NEBL: variants seen among roughly 807,000 people sequenced by gnomAD.
The protein encoded by NEBL is LIM and SH3 protein 2.
A neutral mutation model predicts 140.2 loss-of-function variants in NEBL; 122 were observed. The ratio of observed to expected loss-of-function variants is 0.87; its 90% confidence interval spans 0.75 to 1.01. The LOEUF is 1.01. Ranked by LOEUF, NEBL falls within the 50% of genes least tolerant of loss-of-function variation. The pLI is 0.00. For synonymous variants in NEBL, 436 were observed against 398.9 expected, an observed-to-expected ratio of 1.09 and a Z score of -1.11; for missense variants, 1,365 against 1,231.3, an observed-to-expected ratio of 1.11 and a Z score of -1.62.
rs530488434 is a variant in NEBL at position 20,801,162 on chromosome 10, T to C, written c.2761+7348A>G. On this transcript the variant is annotated intron_variant, in intron 26 of 27. Coordinates refer to ENST00000377122, the MANE Select transcript of NEBL (RefSeq NM_006393.3). ...GCCTAGTACATTCCTTTCCCATTTC[T>C]CTACTTGGCTATCTCTCTCTCTCTC... Among the ~76,000 whole-genome samples the C allele has an allele frequency of 2.0e-5, 3 of 152,150 alleles. No individual in the cohort carries two copies. The South Asian group carries it at 6.2e-4, about 32-fold the overall frequency.
chr10:21,095,498 C>T (rs1004603327), intron 2 of NEBL, among the ~76,000 whole-genome samples: 2 of 152,140 alleles, frequency 1.3e-5, no homozygotes, highest in African/African-American at 2.4e-5. Flanking sequence ...CATAACTGTA[C>T]CTTTTAAAAC....
rs1009147685 is a variant in NEBL, at chr10:20,839,145, C to A, written c.1338+1594G>T. On this transcript the variant is annotated intron_variant, in intron 13 of 27. Transcript: ENST00000377122. ...CTTCTTCCAGTTTTTCAATCTTATT[C>A]TCCTAGGCCGGTTCTTCCTTCTCCT... Among the ~76,000 whole-genome samples, 5 of 152,264 alleles carry A rather than the reference C, an allele frequency of 3.3e-5. No individual in the cohort carries two copies. The East Asian group carries it at 9.7e-4, about 29-fold the overall frequency.
chr10:20,786,775 C>G (rs550927229), intron 27 of NEBL, among the ~76,000 whole-genome samples: 1 of 152,272 alleles, frequency 6.6e-6, no homozygotes, highest in East Asian at 1.9e-4. Flanking sequence ...ATATATGAAC[C>G]AGTTCTTCAA....
chr10:21,288,851 A>ATATATACATATATATAT (rs1337610393), intron 1 of NEBL, among the ~76,000 whole-genome samples: 1 of 32,166 alleles, frequency 3.1e-5, no homozygotes, highest in African/African-American at 1.0e-4. Context: ...TATATATATA[A>ATATATACATATATATAT]AAATTTTTTT....
intron 3 of NEBL, among the ~76,000 whole-genome samples, chr10:20,964,939 C>G (rs1836229397): frequency 6.6e-6 from 1 of 152,182 alleles, no homozygotes; most frequent in Non-Finnish European, 1.5e-5. Flanking sequence ...CATAACCAGC[C>G]CCCGTGTCCA....
At chr10:20,821,643 G>C (rs1412573065) in intron 19 of NEBL, among the ~76,000 whole-genome samples, 6 of 152,106 alleles carry the variant, frequency 3.9e-5, no homozygotes, top group African/African-American at 1.4e-4. Flanking sequence ...GTAAACATTA[G>C]AACAATTTAA....
At chr10:21,089,446 T>A (rs1371842971) in intron 2 of NEBL, among the ~76,000 whole-genome samples, 1 of 151,968 alleles carries the variant, frequency 6.6e-6, no homozygotes, top group Non-Finnish European at 1.5e-5. Context: ...CCATCAGAGC[T>A]TGGAGGAATG....
Position 20,785,616 on chromosome 10 carries a change from T to C in NEBL, c.*131A>G. On this transcript the variant is annotated 3_prime_UTR_variant, in exon 28 of 28. Transcript: ENST00000377122. ...TCATTCCTTCTTCCTGGTACCTGTG[T>C]GTCTAATTGTCAAAGGAAGGATACA... The C allele has an allele frequency of 9.8e-7, 1 of 1,025,376 alleles. No individual in the cohort carries two copies. Among genetic ancestry groups the C allele is most frequent in the African/African-American group, 1.6e-5 (1 of 62,686 alleles). The allele number at this position is 1,025,376 out of a possible 1,614,324, so 63.5% of individuals were successfully genotyped here. A position where few individuals can be genotyped will look rare whatever the true frequency, so the allele number is the denominator to read the frequency against.
At chr10:20,900,380 A>G (rs1257823458), upstream of NEBL, among the ~76,000 whole-genome samples, 2 of 152,222 alleles carry the variant, frequency 1.3e-5, no homozygotes, top group African/African-American at 4.8e-5. Flanking sequence ...ACAGAAGTTA[A>G]TAAAAAGAAA....
intron 2 of NEBL, among the ~76,000 whole-genome samples, chr10:21,127,093 G>A (rs928990442): frequency 4.0e-5 from 6 of 151,436 alleles, no homozygotes; most frequent in Non-Finnish European, 8.8e-5. Flanking sequence ...ATAATGAGTT[G>A]ATAAGATGTT....
intron 4 of NEBL, among the ~76,000 whole-genome samples, chr10:20,957,100 A>G (rs1054839235): frequency 5.3e-5 from 8 of 152,170 alleles, no homozygotes; most frequent in Admixed American, 5.2e-4. Context: ...CCTCATGTTC[A>G]CCCTTGCACT....
At chr10:20,899,420 C>T (rs772289418), upstream of NEBL, 38 of 1,303,710 alleles carry the variant, frequency 2.9e-5, no homozygotes, top group Middle Eastern at 2.1e-4. Flanking sequence ...TTTCCCATCA[C>T]GTAATATGTT....
intron 7 of NEBL, among the ~76,000 whole-genome samples, chr10:20,864,541 CATCAGACAG>C (rs1376375369): frequency 6.6e-6 from 1 of 152,132 alleles, no homozygotes; most frequent in Non-Finnish European, 1.5e-5. Context: ...CCCATCCTTT[CATCAGACAG>C]GTCTTATCTC....
At chr10:21,249,014 GTGTTTT>G (rs66830814) in intron 2 of NEBL, among the ~76,000 whole-genome samples, 28,768 of 151,348 alleles carry the variant, frequency 0.19, 3,076 homozygotes, top group African/African-American at 0.28. Flanking sequence ...TCATTTTTGG[GTGTTTT>G]TGTTTTTGTT....
At chr10:20,854,288 G>A (rs1478451141) in intron 9 of NEBL, among the ~76,000 whole-genome samples, 1 of 152,112 alleles carries the variant, frequency 6.6e-6, no homozygotes, top group African/African-American at 2.4e-5. Context: ...TGGCCATAAG[G>A]AAATTTGCAT....
At chr10:20,876,717 AC>A (rs1376757818) in intron 5 of NEBL, among the ~76,000 whole-genome samples, 2 of 152,176 alleles carry the variant, frequency 1.3e-5, no homozygotes, top group African/African-American at 4.8e-5. Context: ...CACATTACTT[AC>A]AAAACTTAAA....
chr10:21,042,073 A>G (rs1185027570), intron 2 of NEBL, among the ~76,000 whole-genome samples: 1 of 152,042 alleles, frequency 6.6e-6, no homozygotes, highest in Non-Finnish European at 1.5e-5. Flanking sequence ...TCTTGTGCCG[A>G]CCTCCTATCT....
chr10:21,108,355 C>T (rs575953494), intron 2 of NEBL, among the ~76,000 whole-genome samples: 15 of 152,026 alleles, frequency 9.9e-5, no homozygotes, highest in Non-Finnish European at 2.1e-4. Context: ...GATTCTGGTA[C>T]GTTGTGTCTT....
intron 2 of NEBL, among the ~76,000 whole-genome samples, chr10:21,048,222 G>A (rs894602742): frequency 2.0e-5 from 3 of 152,148 alleles, no homozygotes; most frequent in Admixed American, 1.3e-4. Flanking sequence ...TATCCCATCA[G>A]TCACTGTGAC....
Sources: gnomAD v4.1 joint callset for allele counts (sites outside exome capture counted in the v4.1 genomes callset) on GRCh38, gnomAD v4.1.1 for gene constraint, MANE v1.5 for transcripts, NCBI Gene and HGNC (gene_info 2026-07-23, HGNC 2026-07-21) for gene names.